Variants in LRFN2 observed in about 807,000 individuals in gnomAD.
The protein encoded by LRFN2 is leucine-rich repeat and fibronectin type-III domain-containing protein 2.
A neutral mutation model predicts 37.3 loss-of-function variants in LRFN2; 18 were observed. The ratio of observed to expected loss-of-function variants is 0.48; its 90% CI spans 0.33 to 0.72. The LOEUF (loss-of-function observed/expected upper bound fraction) is 0.72, where lower values mean the gene tolerates loss of function less well. LRFN2 is among the 30% of genes least tolerant of loss of function. The pLI, the probability that LRFN2 is intolerant of heterozygous loss-of-function variation, is 0.02. For missense variants in LRFN2, 1,006 were observed against 1,060.7 expected, an observed-to-expected ratio of 0.95 and a Z score of 0.72; for synonymous variants, 556 against 466.6, an observed-to-expected ratio of 1.19 and a Z score of -2.47.
At chr6:40,417,629 T>C (rs1349642744) in intron 2 of LRFN2, among the ~76,000 whole-genome samples, 4 of 152,160 alleles carry the variant, frequency 2.6e-5, no homozygotes, top group African/African-American at 9.7e-5. Context: ...GATGCTCTGC[T>C]CTGCAGGGGG....
chr6:40,558,337 A>AG (rs908977457), intron 1 of LRFN2, among the ~76,000 whole-genome samples: 1 of 152,214 alleles, frequency 6.6e-6, no homozygotes, highest in African/African-American at 2.4e-5. Context: ...TGCCCAGTGA[A>AG]GGAACAGCCA....
intron 1 of LRFN2, among the ~76,000 whole-genome samples, chr6:40,521,873 G>A (rs1766080707): frequency 6.6e-6 from 1 of 152,242 alleles, no homozygotes. Flanking sequence ...CCCAAACATG[G>A]CCGCTTTTTG....
intron 2 of LRFN2, among the ~76,000 whole-genome samples, chr6:40,422,855 G>C (rs1214298712): frequency 2.6e-5 from 4 of 152,140 alleles, no homozygotes; most frequent in African/African-American, 9.7e-5. Context: ...CTTACTGGAG[G>C]GGGAAAAAGC....
intron 1 of LRFN2, among the ~76,000 whole-genome samples, chr6:40,582,714 G>GAA (rs35249144): frequency 0.48 from 64,291 of 135,116 alleles, 15,096 homozygotes; most frequent in Middle Eastern, 0.58. Context: ...AAATCACTCA[G>GAA]AAAAAAAAAA....
chr6:40,571,707 T>C (rs935333643), intron 1 of LRFN2, among the ~76,000 whole-genome samples: 11 of 152,240 alleles, frequency 7.2e-5, no homozygotes, highest in Non-Finnish European at 1.2e-4. Context: ...CCCTCCTTTC[T>C]GCTGCCGTCA....
chr6:40,431,566 C>G (rs944223706), intron 2 of LRFN2, 148 bp downstream of exon 2: 9 of 575,840 alleles, frequency 1.6e-5, no homozygotes, highest in Non-Finnish European at 2.3e-5. Flanking sequence ...CTCCTCTTAC[C>G]TGCACGAATG....
chr6:40,527,535 G>A (rs559318219), intron 1 of LRFN2, among the ~76,000 whole-genome samples: 1 of 152,326 alleles, frequency 6.6e-6, no homozygotes, highest in Non-Finnish European at 1.5e-5. Context: ...CTCCAGTCAT[G>A]GAAGGAAGAG....
chr6:40,503,842 C>T (rs748101356), intron 1 of LRFN2, among the ~76,000 whole-genome samples: 1 of 151,900 alleles, frequency 6.6e-6, no homozygotes, highest in African/African-American at 2.4e-5. Flanking sequence ...GAGGACTTTA[C>T]TATGCTCGTT....
intron 1 of LRFN2, among the ~76,000 whole-genome samples, chr6:40,557,677 G>A (rs1766915640): frequency 6.6e-6 from 1 of 152,150 alleles, no homozygotes; most frequent in Non-Finnish European, 1.5e-5. Context: ...CTCAGAGATG[G>A]TCCTACACAA....
chr6:40,438,095 A>G (rs1763734461), intron 1 of LRFN2, among the ~76,000 whole-genome samples: 1 of 152,200 alleles, frequency 6.6e-6, no homozygotes, highest in Non-Finnish European at 1.5e-5. Flanking sequence ...ATCCATCTGC[A>G]AAGGAGCGAG....
At chr6:40,543,009 G>T (rs2113917325) in intron 1 of LRFN2, among the ~76,000 whole-genome samples, 1 of 152,360 alleles carries the variant, frequency 6.6e-6, no homozygotes, top group South Asian at 2.1e-4. Flanking sequence ...CCGTCACTTA[G>T]ATGTTTCATC....
chr6:40,454,365 G>C (rs915433479), intron 1 of LRFN2, among the ~76,000 whole-genome samples: 1 of 152,090 alleles, frequency 6.6e-6, no homozygotes. Context: ...ATGGTGTCAT[G>C]GGTGGTAAAA....
chr6:40,433,674 A>G (rs1763573150), intron 1 of LRFN2, among the ~76,000 whole-genome samples: 1 of 152,242 alleles, frequency 6.6e-6, no homozygotes, highest in Admixed American at 6.5e-5. Context: ...TTGAACCAGC[A>G]TTCCTTAAGA....
At chr6:40,542,186 G>A (rs1344262955) in intron 1 of LRFN2, among the ~76,000 whole-genome samples, 1 of 152,184 alleles carries the variant, frequency 6.6e-6, no homozygotes, top group African/African-American at 2.4e-5. Flanking sequence ...CATCAACTCT[G>A]ACATGAGAAG....
At chr6:40,510,261 G>A (rs955874138) in intron 1 of LRFN2, among the ~76,000 whole-genome samples, 1 of 152,122 alleles carries the variant, frequency 6.6e-6, no homozygotes, top group Non-Finnish European at 1.5e-5. Context: ...GGCCATGACG[G>A]GAATCCTATG....
chr6:40,436,154 C>A (rs972284718), intron 1 of LRFN2, among the ~76,000 whole-genome samples: 1 of 152,096 alleles, frequency 6.6e-6, no homozygotes, highest in Non-Finnish European at 1.5e-5. Flanking sequence ...AGATGGCTAA[C>A]TTTTTTATTT....
chr6:40,577,052 C>T (rs10947900), intron 1 of LRFN2, among the ~76,000 whole-genome samples: 69,592 of 140,668 alleles, frequency 0.49, 18,206 homozygotes, highest in Middle Eastern at 0.59. Flanking sequence ...TCCTCATTCC[C>T]TCTTCTGGGT....
At chr6:40,479,573 C>T (rs1371675543) in intron 1 of LRFN2, among the ~76,000 whole-genome samples, 1 of 152,240 alleles carries the variant, frequency 6.6e-6, no homozygotes, top group Admixed American at 6.5e-5. Context: ...TCCCTCCCGT[C>T]TCTTTCCTGC....
At chr6:40,482,967 G>T (rs1561873605) in intron 1 of LRFN2, among the ~76,000 whole-genome samples, 1 of 152,244 alleles carries the variant, frequency 6.6e-6, no homozygotes, top group African/African-American at 2.4e-5. Context: ...TGCAGCCACT[G>T]TCCCTCTGTT....
Sources: gnomAD v4.1 joint callset for allele counts (sites outside exome capture counted in the v4.1 genomes callset) on GRCh38, gnomAD v4.1.1 for gene constraint, MANE v1.5 for transcripts, NCBI Gene and HGNC (gene_info 2026-07-23, HGNC 2026-07-21) for gene names.